Variants in SIAH3 observed in about 807,000 individuals in gnomAD.
SIAH3 encodes the protein seven in absentia homolog 3.
SIAH3 carries 9 observed loss-of-function variants against 12.6 expected under a neutral mutation model. That is an observed-to-expected ratio of 0.72 (90% CI 0.43 to 1.25). The LOEUF (loss-of-function observed/expected upper bound fraction) is 1.25. Among genes scored for constraint, SIAH3 ranks in the 50% most tolerant of loss-of-function variants. The pLI, the probability that SIAH3 is intolerant of heterozygous loss-of-function variation, is 0.00. For synonymous variants in SIAH3, 154 were observed against 151.1 expected, an observed-to-expected ratio of 1.02 and a Z score of -0.14; for missense variants, 390 against 365.4, an observed-to-expected ratio of 1.07 and a Z score of -0.55.
chr13:45,847,939 C>G (rs1345408502), intron 1 of SIAH3, among the ~76,000 whole-genome samples: 1 of 152,066 alleles, frequency 6.6e-6, no homozygotes, highest in Non-Finnish European at 1.5e-5. Flanking sequence ...GACCGCTCCT[C>G]CCCTCAAAGG....
intron 1 of SIAH3, among the ~76,000 whole-genome samples, chr13:45,787,748 C>T (rs748690684): frequency 1.3e-5 from 2 of 152,196 alleles, no homozygotes; most frequent in Non-Finnish European, 2.9e-5. Context: ...TGAGATGGCA[C>T]CCAGTGCACG....
At chr13:45,826,372 GATGAATGA>G (rs1566094789) in intron 1 of SIAH3, among the ~76,000 whole-genome samples, 1 of 31,280 alleles carries the variant, frequency 3.2e-5, no homozygotes. Flanking sequence ...TGGATGGATG[GATGAATGA>G]ATGGATGGAT....
intron 1 of SIAH3, among the ~76,000 whole-genome samples, chr13:45,787,295 G>A (rs1358915628): frequency 1.3e-5 from 2 of 152,158 alleles, no homozygotes; most frequent in Non-Finnish European, 2.9e-5. Flanking sequence ...TATGGCAGGG[G>A]GAGAGAGAAA....
intron 1 of SIAH3, among the ~76,000 whole-genome samples, chr13:45,796,467 G>A (rs1950563092): frequency 6.6e-6 from 1 of 152,196 alleles, no homozygotes; most frequent in African/African-American, 2.4e-5. Context: ...TGGAGGATGG[G>A]GATGAGAGTC....
intron 1 of SIAH3, among the ~76,000 whole-genome samples, chr13:45,820,047 G>A (rs183861920): frequency 2.8e-4 from 42 of 152,314 alleles, no homozygotes; most frequent in African/African-American, 9.6e-4. Context: ...CAAGAGAGCC[G>A]AATGCTGTGT....
chr13:45,796,360 C>T (rs1425005052), intron 1 of SIAH3, among the ~76,000 whole-genome samples: 1 of 151,926 alleles, frequency 6.6e-6, no homozygotes, highest in Non-Finnish European at 1.5e-5. Context: ...CTCAAGAACC[C>T]TAGGGGGTCT....
At chr13:45,811,626 C>T (rs74071696) in intron 1 of SIAH3, among the ~76,000 whole-genome samples, 3,847 of 152,192 alleles carry the variant, frequency 0.025, 159 homozygotes, top group African/African-American at 0.088. Flanking sequence ...CCACACCCAG[C>T]TAATTTTTGT....
chr13:45,842,822 A>T (rs1950744943), intron 1 of SIAH3, among the ~76,000 whole-genome samples: 1 of 151,994 alleles, frequency 6.6e-6, no homozygotes, highest in Non-Finnish European at 1.5e-5. Context: ...TCCCAACACC[A>T]CTTTCCCCAC....
At chr13:45,837,144 T>C in intron 1 of SIAH3, among the ~76,000 whole-genome samples, 1 of 152,106 alleles carries the variant, frequency 6.6e-6, no homozygotes, top group East Asian at 1.9e-4. Flanking sequence ...CTCTCCCTTT[T>C]CTACTCCCAA....
chr13:45,809,760 T>C (rs1950610277), intron 1 of SIAH3, among the ~76,000 whole-genome samples: 1 of 152,362 alleles, frequency 6.6e-6, no homozygotes, highest in South Asian at 2.1e-4. Flanking sequence ...ATTGTGGTTA[T>C]CTCTGGGTGG....
chr13:45,844,806 G>T (rs1416463251), intron 1 of SIAH3, among the ~76,000 whole-genome samples: 1 of 152,220 alleles, frequency 6.6e-6, no homozygotes, highest in Non-Finnish European at 1.5e-5. Flanking sequence ...GATAAGTTAA[G>T]TGTATGAAAC....
chr13:45,802,059 C>A (rs1950584171), intron 1 of SIAH3, among the ~76,000 whole-genome samples: 1 of 152,096 alleles, frequency 6.6e-6, no homozygotes, highest in Non-Finnish European at 1.5e-5. Flanking sequence ...AAAATCCCAG[C>A]ACTTTGGGAG....
intron 1 of SIAH3, among the ~76,000 whole-genome samples, chr13:45,803,249 T>G (rs1006042859): frequency 3.3e-5 from 5 of 152,000 alleles, no homozygotes; most frequent in Non-Finnish European, 7.4e-5. Flanking sequence ...AAAGCTGGAG[T>G]ATATGGATTT....
chr13:45,833,764 G>C (rs1414181179), intron 1 of SIAH3, among the ~76,000 whole-genome samples: 3 of 152,182 alleles, frequency 2.0e-5, no homozygotes, highest in Non-Finnish European at 2.9e-5. Context: ...GAGCTGGTAA[G>C]TGGCAGGGAC....
chr13:45,809,910 A>G (rs556229800), intron 1 of SIAH3, among the ~76,000 whole-genome samples: 4 of 152,190 alleles, frequency 2.6e-5, no homozygotes, highest in Non-Finnish European at 2.9e-5. Flanking sequence ...CAAAATGAAC[A>G]AAGCAAAAGC....
chr13:45,841,135 A>G (rs2137583196), intron 1 of SIAH3, among the ~76,000 whole-genome samples: 1 of 152,308 alleles, frequency 6.6e-6, no homozygotes, highest in South Asian at 2.1e-4. Context: ...ATACATCCCT[A>G]AAGTACACAG....
rs769593093 is a variant in SIAH3 at position 45,784,069 on chromosome 13, G to A, written c.136-12C>T. 12 of 1,561,744 alleles carry A rather than the reference G, an allele frequency of 7.7e-6. No homozygotes were observed. In the African/African-American group the frequency reaches 8.1e-5, roughly 11 times the overall value. On this transcript the variant is annotated splice_polypyrimidine_tract_variant and intron_variant, in intron 1 of 1. Transcript: ENST00000400405. Reference sequence around the variant, plus strand: ...CGACTGGACACATACTGTAAGGAAAGAGAAGAACGTCAGTGCGGGGATGAG... The same window carrying A: ...CGACTGGACACATACTGTAAGGAAAAAGAAGAACGTCAGTGCGGGGATGAG...
intron 1 of SIAH3, among the ~76,000 whole-genome samples, chr13:45,786,636 TTTATCAAGTG>T (rs1201162727): frequency 6.6e-6 from 1 of 152,230 alleles, no homozygotes; most frequent in African/African-American, 2.4e-5. Flanking sequence ...CGTTACAAAC[TTTATCAAGTG>T]TTACCTCGAG....
At chr13:45,808,036 T>C (rs927087790) in intron 1 of SIAH3, among the ~76,000 whole-genome samples, 1 of 152,242 alleles carries the variant, frequency 6.6e-6, no homozygotes, top group Non-Finnish European at 1.5e-5. Context: ...TGTATCTATA[T>C]GGTAGAAATA....
Sources: allele counts gnomAD v4.1 joint callset (sites outside exome capture counted in the v4.1 genomes callset), GRCh38; gene constraint gnomAD v4.1.1; transcripts MANE v1.5; gene names NCBI Gene and HGNC (gene_info 2026-07-23, HGNC 2026-07-21).